MCPH1: variants seen among roughly 807,000 people sequenced by gnomAD.
MCPH1 encodes microcephalin 1.
MCPH1 carries 104 observed loss-of-function variants against 84.5 expected under a neutral mutation model. The observed-to-expected ratio is 1.23, with a 90% CI of 1.05 to 1.45. The LOEUF (loss-of-function observed/expected upper bound fraction) is 1.45, where lower values mean the gene tolerates loss of function less well. MCPH1 is among the 40% of genes most tolerant of loss of function. The pLI is 0.00. For synonymous variants in MCPH1, 514 were observed against 366.8 expected (o/e 1.40, Z -4.58); for missense variants, 1,498 against 1,005.7 (o/e 1.49, Z -6.62).
intron 12 of MCPH1, among the ~76,000 whole-genome samples, chr8:6,592,700 G>C (rs1273515225): frequency 7.0e-6 from 1 of 143,414 alleles, no homozygotes; most frequent in African/African-American, 2.6e-5. Context: ...TGTCACCCAG[G>C]CTGAAGTGCA....
chr8:6,480,701 C>A lies in MCPH1; in HGVS notation c.1974-13C>A. On this transcript the variant is annotated splice_polypyrimidine_tract_variant and intron_variant, in intron 10 of 13. Coordinates refer to ENST00000344683, the MANE Select transcript of MCPH1 (RefSeq NM_024596.5). ...AGTCATTCATTTTGTTAATTTTTCC[C>A]CCGATTTGACAGAAAGCAGAATGTC... 1.2e-6 allele frequency: 2 copies of A among 1,613,988 alleles called. No homozygotes were observed. Among genetic ancestry groups the A allele is most frequent in the Non-Finnish European group, 1.7e-6 (2 of 1,179,990 alleles).
At chr8:6,622,145 A>C in intron 13 of MCPH1, 1 of 254,806 alleles carries the variant, frequency 3.9e-6, no homozygotes, top group South Asian at 5.1e-5. Context: ...CCGTCTGCTC[A>C]TGTGCTCAAA....
chr8:6,411,118 G>A (rs1182801974), intron 2 of MCPH1, among the ~76,000 whole-genome samples: 1 of 152,028 alleles, frequency 6.6e-6, no homozygotes, highest in African/African-American at 2.4e-5. Flanking sequence ...GCACTAGTAG[G>A]ATCCGATGGT....
At chr8:6,521,114 T>C in intron 12 of MCPH1, 1 of 1,342,926 alleles carries the variant, frequency 7.4e-7, no homozygotes, top group Non-Finnish European at 1.0e-6. Flanking sequence ...AATTTTTTAG[T>C]CTTTTGAGTG....
intron 2 of MCPH1, among the ~76,000 whole-genome samples, chr8:6,412,557 A>T (rs1015622257): frequency 6.6e-6 from 1 of 152,208 alleles, no homozygotes; most frequent in Non-Finnish European, 1.5e-5. Context: ...GAGGGTCATT[A>T]TAACTTCTGA....
At chr8:6,595,754 A>G (rs1432913716) in intron 12 of MCPH1, among the ~76,000 whole-genome samples, 1 of 152,218 alleles carries the variant, frequency 6.6e-6, no homozygotes, top group Non-Finnish European at 1.5e-5. Context: ...TCTTCAGAGC[A>G]TCATTCCGGC....
chr8:6,578,866 G>C (rs1586695721), intron 12 of MCPH1, among the ~76,000 whole-genome samples: 1 of 152,204 alleles, frequency 6.6e-6, no homozygotes, highest in African/African-American at 2.4e-5. Flanking sequence ...TCAACGTTGG[G>C]AGCACAGGTT....
In MCPH1 at chr8:6,647,064, G is replaced by T. The variant is rs1430624590; in HGVS notation, c.*4015G>T. 6.6e-6 allele frequency: 1 copy of T among 151,390 alleles called. No homozygotes were observed. The highest frequency in any genetic ancestry group is 2.4e-5 in the African/African-American group (1 of 41,104). 9.4% of individuals were successfully genotyped at this position (151,390 alleles called of 1,614,324 possible). A position where few individuals can be genotyped will look rare whatever the true frequency, so the allele number is the denominator to read the frequency against. ...CTTGCAAATCATATATCTGATAAAG[G>T]ACTTGTACCCAGACCATGTAAAGAA... is the stretch of plus-strand genomic sequence containing the variant. On this transcript the variant is annotated 3_prime_UTR_variant, in exon 14 of 14. Transcript: ENST00000344683.
intron 12 of MCPH1, among the ~76,000 whole-genome samples, chr8:6,609,622 C>T (rs1271323141): frequency 6.6e-6 from 1 of 152,212 alleles, no homozygotes; most frequent in Non-Finnish European, 1.5e-5. Context: ...GTCCCATTTG[C>T]ATGTGGCTTT....
At chr8:6,553,370 AGCCAGCCCTCACTAGGGTCT>A (rs1163415526) in intron 12 of MCPH1, among the ~76,000 whole-genome samples, 3 of 152,214 alleles carry the variant, frequency 2.0e-5, no homozygotes, top group Non-Finnish European at 4.4e-5. Context: ...CAGTAAACCT[AGCCAGCCCTCACTAGGGTCT>A]TCTGATGGTT....
rs534466617 is a variant in MCPH1, at chr8:6,505,277, CAT to C, written c.2214+5355_2214+5356del. On this transcript the variant is annotated intron_variant, in intron 12 of 13. Transcript: ENST00000344683. Reference sequence around the variant, plus strand: ...TATATATGTTTTATATATATGTATACATATATATGTTATATACATATATATGT... The same window carrying C: ...TATATATGTTTTATATATATGTATACATATATGTTATATACATATATATGT... Among the ~76,000 whole-genome samples, 5 of 28,098 alleles carry C rather than the reference CAT, an allele frequency of 1.8e-4. 1 individual carries two copies. The highest frequency in any genetic ancestry group is 2.3e-3 in the South Asian group (2 of 856). 18.4% of individuals were successfully genotyped at this position (28,098 alleles called of 152,430 possible).
At chr8:6,641,244 G>C (rs1163771482) in intron 13 of MCPH1, among the ~76,000 whole-genome samples, 1 of 152,060 alleles carries the variant, frequency 6.6e-6, no homozygotes, top group Non-Finnish European at 1.5e-5. Context: ...CTGACACCTA[G>C]TCAGAAAACT....
intron 12 of MCPH1, among the ~76,000 whole-genome samples, chr8:6,548,628 G>GT (rs1447246417): frequency 6.6e-6 from 1 of 152,176 alleles, no homozygotes; most frequent in Non-Finnish European, 1.5e-5. Flanking sequence ...AATGATGGCC[G>GT]TAAGTCATAG....
intron 9 of MCPH1, among the ~76,000 whole-genome samples, chr8:6,472,203 C>T (rs1485691489): frequency 6.6e-6 from 1 of 152,006 alleles, no homozygotes; most frequent in Non-Finnish European, 1.5e-5. Context: ...AATGAATATG[C>T]CAAGCATATA....
At chr8:6,641,571 T>A (rs1005493657) in intron 13 of MCPH1, among the ~76,000 whole-genome samples, 1 of 152,076 alleles carries the variant, frequency 6.6e-6, no homozygotes, top group Non-Finnish European at 1.5e-5. Context: ...AAGTGAGACA[T>A]TGGCTCTACA....
At chr8:6,558,766 A>G (rs1034126792) in intron 12 of MCPH1, among the ~76,000 whole-genome samples, 1 of 152,172 alleles carries the variant, frequency 6.6e-6, no homozygotes, top group Non-Finnish European at 1.5e-5. Context: ...AGTATGTCAG[A>G]CAACCCCATT....
Position 6,444,431 on chromosome 8 carries a change from G to T in MCPH1, c.709G>T (p.Asp237Tyr). 1 of 1,614,110 alleles carries T rather than the reference G, an allele frequency of 6.2e-7. No homozygotes were observed. Among genetic ancestry groups the T allele is most frequent in the South Asian group, 1.1e-5 (1 of 91,038 alleles). The change falls in exon 8 of 14, where the codon GAT becomes TAT. Residue 237 changes from aspartate (D) to tyrosine (Y), a missense_variant. Asp to Tyr is a radical substitution (Grantham distance 160). Coordinates refer to ENST00000344683, the MANE Select transcript of MCPH1 (RefSeq NM_024596.5). Reference protein sequence around the residue: ...FAGGLHSSFDDLCGNSGCGNQ... With the variant: ...FAGGLHSSFDYLCGNSGCGNQ... Reference sequence around the variant, plus strand: ...TGGTGGCTTACACTCATCTTTTGATGATCTTTGTGGAAACTCAGGATGTGG... The same window carrying T: ...TGGTGGCTTACACTCATCTTTTGATTATCTTTGTGGAAACTCAGGATGTGG...
rs188788254 is a variant in MCPH1, at chr8:6,523,921, G to C, written c.2214+23992G>C. On this transcript the variant is annotated intron_variant, in intron 12 of 13. Coordinates refer to ENST00000344683, the MANE Select transcript of MCPH1 (RefSeq NM_024596.5). ...TTTTTTTTTTAATAAGATACAAGAG[G>C]AAAATTGGATAGCCTGACACTACAT... 1.4e-3 allele frequency among the ~76,000 whole-genome samples: 208 copies of C among 151,498 alleles called. 2 individuals carry two copies. The highest frequency in any genetic ancestry group is 1.4e-3 in the East Asian group (7 of 5,156).
At chr8:6,420,351 T>C (rs1416316261) in intron 3 of MCPH1, among the ~76,000 whole-genome samples, 1 of 152,146 alleles carries the variant, frequency 6.6e-6, no homozygotes, top group African/African-American at 2.4e-5. Context: ...GTACTACTTT[T>C]TATGGAGTCT....
Sources: allele counts gnomAD v4.1 joint callset (sites outside exome capture counted in the v4.1 genomes callset), GRCh38; gene constraint gnomAD v4.1.1; transcripts MANE v1.5; gene names NCBI Gene and HGNC (gene_info 2026-07-23, HGNC 2026-07-21).